Variants in PTPRD observed in about 807,000 individuals in gnomAD.
PTPRD encodes protein tyrosine phosphatase receptor type D, also known as receptor-type tyrosine-protein phosphatase delta.
Under a neutral mutation model 214.5 loss-of-function variants are expected in PTPRD, and 34 were observed. That is an observed-to-expected ratio of 0.16 (90% CI 0.12 to 0.21). The LOEUF (loss-of-function observed/expected upper bound fraction) is 0.21, where lower values mean the gene tolerates loss of function less well. PTPRD is among the 10% of genes least tolerant of loss of function. The pLI is 1.00. For synonymous variants in PTPRD, 1,128 were observed against 845.7 expected (o/e 1.33, Z -5.79); for missense variants, 2,545 against 2,398.7 (o/e 1.06, Z -1.27).
chr9:10,283,260 T>C (rs933451229), intron 3 of PTPRD, among the ~76,000 whole-genome samples: 3 of 152,196 alleles, frequency 2.0e-5, no homozygotes, highest in Non-Finnish European at 4.4e-5. Flanking sequence ...TATGTGCTTA[T>C]AGCTCCTGGT....
intron 5 of PTPRD, among the ~76,000 whole-genome samples, chr9:9,767,353 A>C (rs2098715423): frequency 6.6e-6 from 1 of 152,198 alleles, no homozygotes; most frequent in South Asian, 2.1e-4. Flanking sequence ...TGTTTCAAAA[A>C]CTTTCAGGCA....
intron 11 of PTPRD, among the ~76,000 whole-genome samples, chr9:8,735,128 G>GTTTTTTTTTGTGTT (rs2089876720): frequency 7.0e-6 from 1 of 142,504 alleles, no homozygotes; most frequent in African/African-American, 2.6e-5. Context: ...CAATAATTTG[G>GTTTTTTTTTGTGTT]TTTTTTTTTG....
chr9:8,752,784 G>A (rs2093650903), intron 11 of PTPRD, among the ~76,000 whole-genome samples: 1 of 152,012 alleles, frequency 6.6e-6, no homozygotes, highest in Admixed American at 6.5e-5. Context: ...GTCCAATCAT[G>A]ATCATCTAAG....
In PTPRD at chr9:9,788,879, C is replaced by A. The variant is rs562194254; in HGVS notation, c.-367-22028G>T. 1.7e-4 allele frequency among the ~76,000 whole-genome samples: 26 copies of A among 152,062 alleles called. 1 individual carries two copies. The highest frequency in any genetic ancestry group is 1.7e-3 in the South Asian group (8 of 4,820). On this transcript the variant is annotated intron_variant, in intron 5 of 45. Transcript: ENST00000381196. Reference sequence around the variant, plus strand: ...TTCTTTCATGGTCTTCATCTAGGGTCAAAATTAGATCTAAAGTGGAAACAA... The same window carrying A: ...TTCTTTCATGGTCTTCATCTAGGGTAAAAATTAGATCTAAAGTGGAAACAA...
At chr9:9,306,017 A>G (rs928625640) in intron 9 of PTPRD, among the ~76,000 whole-genome samples, 2 of 152,210 alleles carry the variant, frequency 1.3e-5, no homozygotes, top group Non-Finnish European at 2.9e-5. Context: ...TTCTTACAGC[A>G]ATCATAAGAC....
Position 8,317,766 on chromosome 9 carries a change from T to C in PTPRD, c.*108A>G. 1.1e-6 allele frequency: 1 copy of C among 893,644 alleles called. No individual in the cohort carries two copies. The highest frequency in any genetic ancestry group is 1.8e-6 in the Non-Finnish European group (1 of 552,058). The allele number at this position is 893,644 out of a possible 1,614,324, so 55.4% of individuals were successfully genotyped here. A position where few individuals can be genotyped will look rare whatever the true frequency, so the allele number is the denominator to read the frequency against. On this transcript the variant is annotated 3_prime_UTR_variant, in exon 46 of 46. Transcript: ENST00000381196. Reference sequence around the variant, plus strand: ...GTGTGTAATAGTCCCACTAAGTAGTTGTTAGCTAGAAGTTAAGAAGGACTT... The same window carrying C: ...GTGTGTAATAGTCCCACTAAGTAGTCGTTAGCTAGAAGTTAAGAAGGACTT...
chr9:9,078,948 C>T (rs567946350), intron 10 of PTPRD, among the ~76,000 whole-genome samples: 1 of 151,998 alleles, frequency 6.6e-6, no homozygotes, highest in East Asian at 1.9e-4. Context: ...GTTGAGTGAT[C>T]AGATCAGGGT....
intron 4 of PTPRD, among the ~76,000 whole-genome samples, chr9:9,939,367 A>G (rs1391194788): frequency 3.9e-5 from 6 of 152,180 alleles, no homozygotes; most frequent in Admixed American, 3.9e-4. Context: ...TAAAAATGCA[A>G]GAGATGCAGC....
At chr9:9,521,073 T>A (rs1459464146) in intron 8 of PTPRD, among the ~76,000 whole-genome samples, 1 of 152,092 alleles carries the variant, frequency 6.6e-6, no homozygotes, top group African/African-American at 2.4e-5. Flanking sequence ...AAGCCCCTAA[T>A]CTTTTGTTTG....
chr9:8,427,800 C>G (rs1048140052), intron 35 of PTPRD, among the ~76,000 whole-genome samples: 1 of 151,998 alleles, frequency 6.6e-6, no homozygotes. Context: ...ATTCTAACAT[C>G]TCTGAAATTG....
At chr9:9,362,699 C>A (rs984979651) in intron 9 of PTPRD, among the ~76,000 whole-genome samples, 1 of 151,248 alleles carries the variant, frequency 6.6e-6, no homozygotes, top group African/African-American at 2.4e-5. Flanking sequence ...AATAGAATAA[C>A]TATCCATTGT....
At chr9:9,224,150 G>C (rs766918405) in intron 9 of PTPRD, among the ~76,000 whole-genome samples, 2 of 151,974 alleles carry the variant, frequency 1.3e-5, no homozygotes, top group Non-Finnish European at 2.9e-5. Flanking sequence ...AGTTGAGAGA[G>C]AGACAGGCAG....
At chr9:9,615,525 T>C (rs1308527675) in intron 7 of PTPRD, among the ~76,000 whole-genome samples, 1 of 152,248 alleles carries the variant, frequency 6.6e-6, no homozygotes, top group Non-Finnish European at 1.5e-5. Context: ...ATATAAAATT[T>C]CCTTCTATCT....
chr9:9,633,842 G>C (rs939432272), intron 7 of PTPRD, among the ~76,000 whole-genome samples: 8 of 152,064 alleles, frequency 5.3e-5, no homozygotes, highest in Non-Finnish European at 1.0e-4. Context: ...GTCTTTTCCA[G>C]TGCAAATCAT....
At chr9:8,814,713 A>G (rs1055645734) in intron 11 of PTPRD, among the ~76,000 whole-genome samples, 6 of 152,248 alleles carry the variant, frequency 3.9e-5, no homozygotes, top group African/African-American at 1.4e-4. Flanking sequence ...AGGATGAGGA[A>G]GAAGTGAGGT....
chr9:9,280,337 T>A (rs537060630), intron 9 of PTPRD, among the ~76,000 whole-genome samples: 1 of 151,248 alleles, frequency 6.6e-6, no homozygotes, highest in Admixed American at 6.6e-5. Context: ...TAGGGAAATA[T>A]AACATATAAC....
At chr9:10,453,537 CTAAG>C (rs1337971493) in intron 2 of PTPRD, among the ~76,000 whole-genome samples, 15 of 151,204 alleles carry the variant, frequency 9.9e-5, no homozygotes, top group African/African-American at 3.6e-4. Flanking sequence ...AAATGTATTC[CTAAG>C]TATTTTATTT....
chr9:8,975,148 T>A (rs12337165), intron 11 of PTPRD, among the ~76,000 whole-genome samples: 26,632 of 150,662 alleles, frequency 0.18, 2,620 homozygotes, highest in Non-Finnish European at 0.22. Context: ...AGTAGTTTGA[T>A]AACATGATGA....
chr9:10,000,301 T>C (rs1481139669), intron 4 of PTPRD, among the ~76,000 whole-genome samples: 1 of 152,184 alleles, frequency 6.6e-6, no homozygotes, highest in Non-Finnish European at 1.5e-5. Context: ...GGACCCCCAC[T>C]AACAGTGATA....
Sources: gnomAD v4.1 joint callset for allele counts (sites outside exome capture counted in the v4.1 genomes callset) on GRCh38, gnomAD v4.1.1 for gene constraint, MANE v1.5 for transcripts, NCBI Gene and HGNC (gene_info 2026-07-23, HGNC 2026-07-21) for gene names.